Variants in SCN11A observed in about 807,000 individuals in gnomAD.
SCN11A encodes the protein sodium voltage-gated channel alpha subunit 11, also known as sodium channel protein type 11 subunit alpha.
A neutral mutation model predicts 162.2 loss-of-function variants in SCN11A; 122 were observed. The ratio of observed to expected loss-of-function variants is 0.75; its 90% confidence interval spans 0.65 to 0.87. The LOEUF is 0.87. Among genes scored for constraint, SCN11A ranks in the 40% least tolerant of loss-of-function variants. SCN11A has a pLI of 0.00. For missense variants in SCN11A, 2,015 were observed against 2,181.6 expected, an observed-to-expected ratio of 0.92 and a Z score of 1.52; for synonymous variants, 758 against 751.5, an observed-to-expected ratio of 1.01 and a Z score of -0.14.
At chr3:38,980,349 C>T (rs920385474) in intron 2 of SCN11A, among the ~76,000 whole-genome samples, 22 of 152,186 alleles carry the variant, frequency 1.4e-4, no homozygotes, top group Admixed American at 4.6e-4. Context: ...CAAGGGGAAT[C>T]ACCTCCAGAG....
intron 13 of SCN11A, among the ~76,000 whole-genome samples, chr3:38,908,351 T>C (rs1336895845): frequency 6.6e-6 from 1 of 152,212 alleles, no homozygotes; most frequent in Non-Finnish European, 1.5e-5. Flanking sequence ...CTTTCATATC[T>C]CTGTGTCACT....
At chr3:38,932,728 C>G (rs948758078) in intron 7 of SCN11A, among the ~76,000 whole-genome samples, 3 of 152,248 alleles carry the variant, frequency 2.0e-5, no homozygotes, top group Non-Finnish European at 4.4e-5. Context: ...GAAGCTCCAA[C>G]TGGGTGGAGC....
chr3:38,934,851 T>C (rs1381254850), intron 7 of SCN11A, among the ~76,000 whole-genome samples: 1 of 151,972 alleles, frequency 6.6e-6, no homozygotes, highest in South Asian at 2.1e-4. Context: ...TACCCAGGAA[T>C]TGAACTCAGC....
chr3:38,969,497 G>A (rs1259000055), intron 2 of SCN11A, among the ~76,000 whole-genome samples: 1 of 152,164 alleles, frequency 6.6e-6, no homozygotes, highest in Admixed American at 6.5e-5. Context: ...AGGGAGTTGA[G>A]TTGTAGTGAC....
At chr3:38,936,988 T>C (rs2066343786) in intron 7 of SCN11A, among the ~76,000 whole-genome samples, 1 of 152,012 alleles carries the variant, frequency 6.6e-6, no homozygotes, top group Non-Finnish European at 1.5e-5. Context: ...AAGGCTACAG[T>C]AACCAAAACA....
At chr3:39,040,221 C>T (rs1019072458) in intron 1 of SCN11A, among the ~76,000 whole-genome samples, 3 of 152,232 alleles carry the variant, frequency 2.0e-5, no homozygotes, top group South Asian at 2.1e-4. Context: ...TCAAATACTG[C>T]TCATGCTGTT....
chr3:38,933,577 T>G (rs1020303442), intron 7 of SCN11A, among the ~76,000 whole-genome samples: 120 of 152,228 alleles, frequency 7.9e-4, no homozygotes, highest in Non-Finnish European at 8.2e-4. Flanking sequence ...CGTGAAGAAT[T>G]CAGAAGCCTC....
intron 21 of SCN11A, among the ~76,000 whole-genome samples, chr3:38,884,891 G>A (rs1421624387): frequency 6.6e-6 from 1 of 152,226 alleles, no homozygotes; most frequent in Non-Finnish European, 1.5e-5. Flanking sequence ...GCCAGAATTT[G>A]AGCTCAGGCA....
chr3:38,974,980 A>G (rs1453025501), intron 2 of SCN11A, among the ~76,000 whole-genome samples: 2 of 151,356 alleles, frequency 1.3e-5, no homozygotes, highest in Non-Finnish European at 2.9e-5. Flanking sequence ...GAGAAAATAA[A>G]GATCGTGTAC....
chr3:38,945,794 C>G (rs1224265615), intron 6 of SCN11A, among the ~76,000 whole-genome samples: 1 of 152,226 alleles, frequency 6.6e-6, no homozygotes, highest in Non-Finnish European at 1.5e-5. Context: ...GCAATTCATG[C>G]TCCAGAGTTC....
At chr3:39,024,624 T>G (rs1362107173) in intron 2 of SCN11A, among the ~76,000 whole-genome samples, 1 of 152,200 alleles carries the variant, frequency 6.6e-6, no homozygotes, top group Non-Finnish European at 1.5e-5. Context: ...TACTCTAACT[T>G]TTCCTCTACC....
intron 2 of SCN11A, among the ~76,000 whole-genome samples, chr3:38,990,371 C>A (rs139114936): frequency 1.4e-4 from 21 of 152,306 alleles, no homozygotes; most frequent in African/African-American, 2.4e-4. Context: ...AATCTGCCCA[C>A]ACAATGCCTC....
At chr3:39,040,594 C>T (rs779896318) in intron 1 of SCN11A, among the ~76,000 whole-genome samples, 1 of 152,134 alleles carries the variant, frequency 6.6e-6, no homozygotes, top group African/African-American at 2.4e-5. Context: ...GGAACCTCAG[C>T]AAGATACAGG....
chr3:38,958,442 T>G (rs1292452897), intron 3 of SCN11A, among the ~76,000 whole-genome samples: 1 of 152,244 alleles, frequency 6.6e-6, no homozygotes, highest in Non-Finnish European at 1.5e-5. Flanking sequence ...CCTGCTTCTG[T>G]TATGGTACTC....
At chr3:38,961,137 CG>C (rs2066737321) in intron 2 of SCN11A, among the ~76,000 whole-genome samples, 1 of 152,086 alleles carries the variant, frequency 6.6e-6, no homozygotes, top group South Asian at 2.1e-4. Flanking sequence ...TAGGTGCTTA[CG>C]GGAGTGCAGG....
In SCN11A at chr3:38,885,467, G is replaced by A. The variant is rs113427543; in HGVS notation, c.2950-65C>T. The A allele has an allele frequency of 9.5e-4, 828 of 871,632 alleles. 8 individuals are homozygous for A. In the African/African-American group the frequency reaches 0.011, roughly 12 times the overall value. 54.0% of individuals were successfully genotyped at this position (871,632 alleles called of 1,614,324 possible). On this transcript the variant is annotated intron_variant, in intron 20 of 29. Transcript: ENST00000302328. The stretch of plus-strand genomic sequence containing the variant: ...AGACCTTCTTTCACCATAGTAGTAC[G>A]GAGTTTCTCATTGTCTGATTTTTTA...
intron 1 of SCN11A, among the ~76,000 whole-genome samples, chr3:39,039,930 TG>T (rs2032001618): frequency 6.6e-6 from 1 of 152,228 alleles, no homozygotes; most frequent in African/African-American, 2.4e-5. Flanking sequence ...ATATAGCATG[TG>T]TACATGTCCG....
chr3:38,921,484 T>C (rs1266983109), intron 9 of SCN11A, among the ~76,000 whole-genome samples: 3 of 152,216 alleles, frequency 2.0e-5, no homozygotes, highest in African/African-American at 7.2e-5. Context: ...TCTCTATTCC[T>C]GCCCTATGCC....
intron 11 of SCN11A, among the ~76,000 whole-genome samples, chr3:38,911,424 T>C (rs138104872): frequency 3.5e-4 from 54 of 152,302 alleles, no homozygotes; most frequent in African/African-American, 1.2e-3. Flanking sequence ...GACCTTCTTT[T>C]GCCCATTAGT....
Sources: gnomAD v4.1 joint callset for allele counts (sites outside exome capture counted in the v4.1 genomes callset) on GRCh38, gnomAD v4.1.1 for gene constraint, MANE v1.5 for transcripts, NCBI Gene and HGNC (gene_info 2026-07-23, HGNC 2026-07-21) for gene names.